The following SIMC1 variants were observed in gnomAD, a reference collection of about 807,000 sequenced individuals.
SIMC1 encodes the protein SUMO-interacting motif-containing protein 1.
In SIMC1, 55 loss-of-function variants were observed where a neutral mutation model predicts 82.3. The observed-to-expected ratio is 0.67, with a 90% CI of 0.54 to 0.84. SIMC1 has a LOEUF of 0.84. Among genes scored for constraint, SIMC1 ranks in the 40% least tolerant of loss-of-function variants. The pLI, the probability that SIMC1 is intolerant of heterozygous loss-of-function variation, is 0.00. For missense variants in SIMC1, 915 were observed against 1,107.2 expected (o/e 0.83, Z 2.46); for synonymous variants, 353 against 426.3 (o/e 0.83, Z 2.12).
intron 1 of SIMC1, among the ~76,000 whole-genome samples, chr5:176,275,469 TCTC>T (rs1268625488): frequency 6.6e-6 from 1 of 151,794 alleles, no homozygotes; most frequent in Non-Finnish European, 1.5e-5. Flanking sequence ...TTTATTTCCT[TCTC>T]CTGCCTGATT....
intron 1 of SIMC1, among the ~76,000 whole-genome samples, chr5:176,281,223 C>T (rs1040692306): frequency 6.6e-6 from 1 of 152,224 alleles, no homozygotes; most frequent in African/African-American, 2.4e-5. Context: ...TTGATCACAT[C>T]AGCTCCTGAG....
At chr5:176,305,565 G>C (rs375239081) in intron 4 of SIMC1, among the ~76,000 whole-genome samples, 2 of 125,642 alleles carry the variant, frequency 1.6e-5, no homozygotes, top group African/African-American at 5.8e-5. Context: ...CAGCCGCCCC[G>C]TCCGGGAGGG....
intron 1 of SIMC1, among the ~76,000 whole-genome samples, chr5:176,245,708 A>T (rs1469469133): frequency 6.6e-6 from 1 of 152,208 alleles, no homozygotes; most frequent in Non-Finnish European, 1.5e-5. Context: ...ATGGCATTGC[A>T]ACCGGAGTGT....
intron 4 of SIMC1, chr5:176,308,528 C>T: frequency 2.5e-6 from 4 of 1,604,746 alleles, no homozygotes; most frequent in Non-Finnish European, 3.4e-6. Context: ...TTATTTTTTC[C>T]TGTTTCATAG....
intron 8 of SIMC1, 23 bp from the exon 9 acceptor site, chr5:176,337,039 A>C (rs1283400674): frequency 3.1e-6 from 5 of 1,611,734 alleles, no homozygotes; most frequent in Middle Eastern, 1.7e-4. Flanking sequence ...ATTTATTATC[A>C]ATCCATTTTA....
chr5:176,290,240 C>T lies in SIMC1; in HGVS notation c.716C>T (p.Ala239Val), dbSNP rs753758479. 5 of 1,612,940 alleles carry T rather than the reference C, an allele frequency of 3.1e-6. No individual in the cohort carries two copies. In the Admixed American group the frequency reaches 6.7e-5, roughly 22 times the overall value. Reference sequence around the variant, plus strand: ...AGAGCCTCACCATGTCCACCACGAGCCTCCTCATGCCCACCACGAGCCTTG... The same window carrying T: ...AGAGCCTCACCATGTCCACCACGAGTCTCCTCATGCCCACCACGAGCCTTG... ...PPRASPCPPRASSCPPRALSC... is the reference protein window; with the variant it reads ...PPRASPCPPRVSSCPPRALSC... Residue 239 changes from alanine to valine, a missense_variant, in exon 2 of 10, where the codon GCC becomes GTC. Around this residue, in one of 2 missense-constraint regions of SIMC1, gnomAD observed 902 missense variants for 1,040.3 expected, o/e 0.87. Transcript: ENST00000429602.
chr5:176,280,776 T>G (rs1437157493), intron 1 of SIMC1, among the ~76,000 whole-genome samples: 1 of 152,234 alleles, frequency 6.6e-6, no homozygotes, highest in Non-Finnish European at 1.5e-5. Context: ...TCTTCCGGCT[T>G]GTAGAGTTTC....
At chr5:176,269,864 G>T (rs991474361) in intron 1 of SIMC1, among the ~76,000 whole-genome samples, 1 of 151,958 alleles carries the variant, frequency 6.6e-6, no homozygotes, top group African/African-American at 2.4e-5. Flanking sequence ...TCCCTTCTGA[G>T]CCTCCCAGGT....
At chr5:176,260,003 A>G (rs1222514083) in intron 1 of SIMC1, among the ~76,000 whole-genome samples, 1 of 148,586 alleles carries the variant, frequency 6.7e-6, no homozygotes, top group Admixed American at 6.7e-5. Context: ...TAAAATTTAT[A>G]TATATTTATA....
At chr5:176,341,182 T>G (rs151301684) in intron 9 of SIMC1, among the ~76,000 whole-genome samples, 33 of 152,274 alleles carry the variant, frequency 2.2e-4, no homozygotes, top group African/African-American at 7.2e-4. Flanking sequence ...AGTAATGGTG[T>G]TAGCCAGGCA....
At chr5:176,246,012 G>GTTT (rs1182868903) in intron 1 of SIMC1, among the ~76,000 whole-genome samples, 1 of 139,094 alleles carries the variant, frequency 7.2e-6, no homozygotes, top group African/African-American at 2.6e-5. Context: ...ATTTGTCAAG[G>GTTT]TTTTTTTTTT....
At chr5:176,308,585 A>G in intron 4 of SIMC1, 9 of 1,587,442 alleles carry the variant, frequency 5.7e-6, no homozygotes, top group South Asian at 1.1e-5. Context: ...CTTGCTTCCA[A>G]TCCATACAGG....
chr5:176,341,285 C>A (rs1377792830), intron 9 of SIMC1, among the ~76,000 whole-genome samples: 1 of 152,230 alleles, frequency 6.6e-6, no homozygotes, highest in East Asian at 1.9e-4. Context: ...GAACATAGAA[C>A]AAGCTAGCAG....
chr5:176,313,541 C>T (rs1764763234), intron 4 of SIMC1, 150 bp from the exon 5 acceptor site: 1 of 1,541,696 alleles, frequency 6.5e-7, no homozygotes, highest in South Asian at 1.2e-5. Flanking sequence ...ACCCAGACTA[C>T]CTGCCCTCTC....
At chr5:176,306,771 A>G (rs1373760922) in intron 4 of SIMC1, among the ~76,000 whole-genome samples, 5 of 147,664 alleles carry the variant, frequency 3.4e-5, no homozygotes, top group Admixed American at 1.4e-4. Context: ...GGACACAAAC[A>G]CTGCGGAGGC....
intron 1 of SIMC1, among the ~76,000 whole-genome samples, chr5:176,282,383 C>T (rs537711169): frequency 6.6e-5 from 10 of 152,372 alleles, no homozygotes; most frequent in South Asian, 4.1e-4. Context: ...CTTGCGCTTC[C>T]GGAGTGAGGC....
intron 9 of SIMC1, among the ~76,000 whole-genome samples, chr5:176,343,805 T>C (rs1006658343): frequency 2.6e-5 from 4 of 152,128 alleles, no homozygotes; most frequent in Non-Finnish European, 5.9e-5. Flanking sequence ...TTTGTTTTGT[T>C]TTTTTTGAGA....
At chr5:176,321,021 C>T (rs907438196) in intron 5 of SIMC1, among the ~76,000 whole-genome samples, 3 of 152,046 alleles carry the variant, frequency 2.0e-5, no homozygotes, top group African/African-American at 7.2e-5. Flanking sequence ...TCAGCCTGAG[C>T]AACATAGCCA....
intron 7 of SIMC1, 93 bp from the exon 8 acceptor site, chr5:176,336,627 A>G: frequency 2.0e-6 from 3 of 1,502,248 alleles, no homozygotes; most frequent in Non-Finnish European, 1.8e-6. Flanking sequence ...TGTCTTTTTT[A>G]GGACAAATGT....
Sources: allele counts gnomAD v4.1 joint callset (sites outside exome capture counted in the v4.1 genomes callset), GRCh38; gene constraint gnomAD v4.1.1; regional missense constraint gnomAD v4.1.1; transcripts MANE v1.5; gene names NCBI Gene and HGNC (gene_info 2026-07-23, HGNC 2026-07-21).